SON: variants seen among roughly 807,000 people sequenced by gnomAD.
SON encodes protein SON.
A neutral mutation model predicts 173.3 loss-of-function variants in SON; 4 were observed. The ratio of observed to expected loss-of-function variants is 0.02; its 90% CI spans 0.01 to 0.05. The LOEUF (loss-of-function observed/expected upper bound fraction) is 0.05. SON is among the 10% of genes least tolerant of loss of function. SON has a pLI of 1.00. For synonymous variants in SON, 1,190 were observed against 1,105.9 expected, an observed-to-expected ratio of 1.08 and a Z score of -1.51; for missense variants, 2,626 against 3,055.3, an observed-to-expected ratio of 0.86 and a Z score of 3.31.
chr21:33,560,154 T>G, intron 6 of SON: 1 of 1,602,586 alleles, frequency 6.2e-7, no homozygotes, highest in Non-Finnish European at 8.5e-7. Flanking sequence ...GTGGAGGGAT[T>G]GATCGGAGAG....
chr21:33,560,761 C>T (rs904320052), intron 6 of SON: 3 of 310,302 alleles, frequency 9.7e-6, no homozygotes, highest in Non-Finnish European at 9.4e-6. Context: ...TTGTCATCGC[C>T]TCTTGCCCTT....
At chr21:33,549,405 A>G (rs2085700582) in intron 2 of SON, 71 bp from the exon 3 acceptor site, 3 of 1,303,492 alleles carry the variant, frequency 2.3e-6, no homozygotes, top group African/African-American at 1.5e-5. Context: ...GAATGTAAAT[A>G]TGGGTTTATA....
In SON at chr21:33,554,471, G is replaced by A. The variant is rs770123081; in HGVS notation, c.5240G>A (p.Ser1747Asn). ...LLPKDMERLT[S>N]LRAGIEGPLL... Reference sequence around the variant, plus strand: ...CCTAAGGACATGGAACGTCTTACAAGCCTTAGAGCTGGCATTGAAGGACCT... The same window carrying A: ...CCTAAGGACATGGAACGTCTTACAAACCTTAGAGCTGGCATTGAAGGACCT... Residue 1747 changes from serine (S) to asparagine (N), a missense_variant, in exon 3 of 12, where the codon AGC (serine) becomes AAC (asparagine). By Grantham distance (46) the Ser-to-Asn change is conservative. Transcript: ENST00000356577. 1.1e-5 allele frequency: 18 copies of A among 1,614,168 alleles called. No homozygotes were observed. In the South Asian group the frequency reaches 1.8e-4, roughly 16 times the overall value.
Position 33,553,189 on chromosome 21 carries a change from C to A in SON, c.3958C>A (p.His1320Asn), listed in dbSNP as rs768215782. The change falls in exon 3 of 12, where the codon CAT (histidine) becomes AAT (asparagine). Residue 1320 changes from histidine to asparagine, a missense_variant. His to Asn is a moderately conservative substitution (Grantham distance 68). Coordinates refer to ENST00000356577, the MANE Select transcript of SON (RefSeq NM_138927.4). ...ATTTGATTCCATGAGAGCCTCAGGACATGTTGCCTCAGAAGTATCTACATC... is the reference window on the plus strand; with the variant it reads ...ATTTGATTCCATGAGAGCCTCAGGAAATGTTGCCTCAGAAGTATCTACATC... ...ETFDSMRASG[H>N]VASEVSTSLL... 1.2e-6 allele frequency: 2 copies of A among 1,614,144 alleles called. No individual in the cohort carries two copies. Among genetic ancestry groups the A allele is most frequent in the Admixed American group, 3.3e-5 (2 of 60,026 alleles).
intron 3 of SON, among the ~76,000 whole-genome samples, chr21:33,556,391 T>C (rs2085966814): frequency 6.6e-6 from 1 of 152,158 alleles, no homozygotes; most frequent in Admixed American, 6.5e-5. Context: ...GGAATGTTAA[T>C]TCTGACTTAA....
chr21:33,565,445 C>T (rs1035381932), intron 6 of SON, among the ~76,000 whole-genome samples: 12 of 152,078 alleles, frequency 7.9e-5, no homozygotes, highest in Non-Finnish European at 1.5e-5. Context: ...ATCTTGTGTG[C>T]CTTCAAAAAT....
chr21:33,556,671 G>A (rs1177657816), intron 3 of SON, among the ~76,000 whole-genome samples: 2 of 148,324 alleles, frequency 1.3e-5, no homozygotes, highest in Non-Finnish European at 1.5e-5. Context: ...CCAAGATGGC[G>A]CCACTGCACT....
chr21:33,555,274 G>C lies in SON; in HGVS notation c.6043G>C (p.Val2015Leu). The stretch of plus-strand genomic sequence containing the variant: ...AAGACGAAGCTTCAGTATCTCACCA[G>C]TCAGATTAAGGCGATCAAGAACACC... ...VRRRSFSISP[V>L]RLRRSRTPLR... Residue 2015 changes from valine (V) to leucine (L), a missense_variant, in exon 3 of 12, where the codon GTC (valine) becomes CTC (leucine). Val to Leu is a conservative substitution (Grantham distance 32). This residue lies in a region of SON where 138 missense variants were observed against 222.9 expected (regional missense o/e 0.62). Coordinates refer to ENST00000356577, the MANE Select transcript of SON (RefSeq NM_138927.4). 6.2e-7 allele frequency: 1 copy of C among 1,612,646 alleles called. No individual in the cohort carries two copies. The highest frequency in any genetic ancestry group is 8.5e-7 in the Non-Finnish European group (1 of 1,179,482).
Position 33,552,696 on chromosome 21 carries a change from A to C in SON, c.3465A>C (p.Pro1155=). ...CACCTTTGCCTCCTGAAGAGCCCCC[A>C]ACAATGCCACCGTTGCCACCTGAGG... ...MVPPLPPEEP[P]TMPPLPPEEP... Residue 1155 remains proline, a synonymous_variant, in exon 3 of 12, where the codon CCA becomes CCC. Coordinates refer to ENST00000356577, the MANE Select transcript of SON (RefSeq NM_138927.4). The surrounding 1 kb of genome is among the most constrained non-coding windows in gnomAD (Gnocchi z 5.6). 1 of 1,614,082 alleles carries C rather than the reference A, an allele frequency of 6.2e-7. No individual in the cohort carries two copies. The highest frequency in any genetic ancestry group is 1.1e-5 in the South Asian group (1 of 91,082).
At position 33,552,759 on chromosome 21, in the gene SON, A is replaced by G. The variant is rs1230341254; in HGVS notation, c.3528A>G (p.Pro1176=). 2 of 1,613,730 alleles carry G rather than the reference A, an allele frequency of 1.2e-6. No homozygotes were observed. The highest frequency in any genetic ancestry group is 2.7e-5 in the African/African-American group (2 of 74,886). The change falls in exon 3 of 12, where the codon CCA becomes CCG. Residue 1176 remains proline, a synonymous_variant. Coordinates refer to ENST00000356577, the MANE Select transcript of SON (RefSeq NM_138927.4). This position sits in a 1 kb window ranked among gnomAD's most constrained non-coding sequence, Gnocchi z 5.6. The part of the protein sequence containing the change: ...PMTPPLPPEE[P]PEGPALPTEQ... ...CACCACCATTGCCTCCTGAGGAACCACCAGAGGGTCCAGCATTGCCCACTG... is the reference window on the plus strand; with the variant it reads ...CACCACCATTGCCTCCTGAGGAACCGCCAGAGGGTCCAGCATTGCCCACTG...
intron 6 of SON, among the ~76,000 whole-genome samples, chr21:33,564,423 T>C (rs527308603): frequency 6.6e-6 from 1 of 152,298 alleles, no homozygotes; most frequent in Admixed American, 6.5e-5. Flanking sequence ...CTTTGGGGAT[T>C]GTATTGGCTT....
chr21:33,543,087 G>A lies in SON; in HGVS notation c.-6G>A. 1 of 1,614,166 alleles carries A rather than the reference G, an allele frequency of 6.2e-7. No homozygotes were observed. Among genetic ancestry groups the A allele is most frequent in the Non-Finnish European group, 8.5e-7 (1 of 1,179,950 alleles). ...GAGGAGGAGTTGAGAGAACGGAGCGGACGCCATGGCGACCAACATCGAGCA... is the reference window on the plus strand; with the variant it reads ...GAGGAGGAGTTGAGAGAACGGAGCGAACGCCATGGCGACCAACATCGAGCA... On this transcript the variant is annotated 5_prime_UTR_variant, in exon 1 of 12. Transcript: ENST00000356577.
In SON at chr21:33,576,938, A is replaced by G. The variant is rs1044914637; in HGVS notation, c.*514A>G. ...CTGTAACACTTGCCTGTAATCAGTGAAGGGCTGTGCACCTTGTACTATTTC... is the reference window on the plus strand; with the variant it reads ...CTGTAACACTTGCCTGTAATCAGTGGAGGGCTGTGCACCTTGTACTATTTC... On this transcript the variant is annotated 3_prime_UTR_variant, in exon 12 of 12. Coordinates refer to ENST00000356577, the MANE Select transcript of SON (RefSeq NM_138927.4). 2 of 238,992 alleles carry G rather than the reference A, an allele frequency of 8.4e-6. No homozygotes were observed. The allele number at this position is 238,992 out of a possible 1,614,324, so 14.8% of individuals were successfully genotyped here.
At position 33,550,985 on chromosome 21, in the gene SON, C is replaced by T. The variant is rs143351650; in HGVS notation, c.1754C>T (p.Ser585Leu). ...LPSATRALEL[S>L]GQPVATGALE... ...TCGGCAACTAGGGCACTGGAGTTGT[C>T]GGGGCAGCCTGTGGCAACTGGGGCA... The change falls in exon 3 of 12, where the codon TCG becomes TTG. Residue 585 changes from serine to leucine, a missense_variant. Physicochemically the swap from Ser to Leu is moderately radical, Grantham distance 145. This residue lies in a region of SON where 757 missense variants were observed against 730.1 expected (regional missense o/e 1.04). Coordinates refer to ENST00000356577, the MANE Select transcript of SON (RefSeq NM_138927.4). 4.9e-5 allele frequency: 78 copies of T among 1,604,804 alleles called. No individual in the cohort carries two copies. In the African/African-American group the frequency reaches 7.0e-4, roughly 14 times the overall value.
In SON at chr21:33,552,831, A is replaced by C; in HGVS notation, c.3600A>C (p.Pro1200=). The C allele has an allele frequency of 6.2e-7, 1 of 1,613,634 alleles. No homozygotes were observed. Among genetic ancestry groups the C allele is most frequent in the Non-Finnish European group, 8.5e-7 (1 of 1,179,622 alleles). The change falls in exon 3 of 12, where the codon CCA becomes CCC. Residue 1200 remains proline (P), a synonymous_variant. Coordinates refer to ENST00000356577, the MANE Select transcript of SON (RefSeq NM_138927.4). The surrounding 1 kb of genome is among the most constrained non-coding windows in gnomAD (Gnocchi z 5.6). ...TAENTWPTEV[P]SSPSEESVSQ... is the part of the protein sequence containing the mutation. ...AAAATACTTGGCCTACAGAGGTGCC[A>C]TCATCACCATCTGAAGAGTCTGTAT...
chr21:33,550,269 A>G lies in SON; in HGVS notation c.1038A>G (p.Val346=). The G allele has an allele frequency of 1.9e-6, 3 of 1,614,238 alleles. No homozygotes were observed. The highest frequency in any genetic ancestry group is 2.5e-6 in the Non-Finnish European group (3 of 1,180,036). Residue 346 remains valine (V), a synonymous_variant, in exon 3 of 12, where the codon GTA becomes GTG. Transcript: ENST00000356577. ...ALRLPEQPVD[V]PSEIADSSMT... ...GATTGCCAGAGCAGCCTGTAGACGT[A>G]CCATCGGAGATTGCAGATTCATCCA...
intron 2 of SON, among the ~76,000 whole-genome samples, chr21:33,547,212 G>C (rs530530104): frequency 2.0e-5 from 3 of 152,118 alleles, no homozygotes; most frequent in East Asian, 1.9e-4. Flanking sequence ...TCGATCTCTT[G>C]ACCTCATGAT....
Position 33,559,880 on chromosome 21 carries a change from C to T in SON, c.6657+105C>T, listed in dbSNP as rs2086039003. ...GATTCTGTTTCACTCTTCTTAGGGC[C>T]GGGTTAAACGGCAGGGCCGGGTTAG... On this transcript the variant is annotated intron_variant, in intron 6 of 11. Coordinates refer to ENST00000356577, the MANE Select transcript of SON (RefSeq NM_138927.4). This position sits in a 1 kb window ranked among gnomAD's most constrained non-coding sequence, Gnocchi z 4.1. The T allele has an allele frequency of 5.0e-6, 8 of 1,604,724 alleles. No individual in the cohort carries two copies. The highest frequency in any genetic ancestry group is 1.3e-5 in the African/African-American group (1 of 74,632).
In SON at chr21:33,553,933, C is replaced by G. The variant is rs1006789420; in HGVS notation, c.4702C>G (p.Pro1568Ala). Residue 1568 changes from proline to alanine, a missense_variant, in exon 3 of 12, where the codon CCC becomes GCC. Coordinates refer to ENST00000356577, the MANE Select transcript of SON (RefSeq NM_138927.4). ...GGAAATTGGTGAAGAGAAAATTTTGCCCACCAGTGAGACTAAACAGCGCAC... is the reference window on the plus strand; with the variant it reads ...GGAAATTGGTGAAGAGAAAATTTTGGCCACCAGTGAGACTAAACAGCGCAC... ...VGEIGEEKIL[P>A]TSETKQRTVL... 3.3e-5 allele frequency: 53 copies of G among 1,613,932 alleles called. No homozygotes were observed. Among genetic ancestry groups the G allele is most frequent in the Middle Eastern group, 1.6e-4 (1 of 6,084 alleles).
Sources: allele counts gnomAD v4.1 joint callset (sites outside exome capture counted in the v4.1 genomes callset), GRCh38; gene constraint gnomAD v4.1.1; regional missense constraint gnomAD v4.1.1; non-coding constraint Gnocchi (gnomAD v3.1); transcripts MANE v1.5; gene names NCBI Gene and HGNC (gene_info 2026-07-23, HGNC 2026-07-21).